The following WWOX variants were observed in gnomAD, a reference collection of about 807,000 sequenced individuals.
WWOX encodes the protein WW domain containing oxidoreductase.
Under a neutral mutation model 46.2 loss-of-function variants are expected in WWOX, and 69 were observed. That is an observed-to-expected ratio of 1.49 (90% confidence interval 1.23 to 1.82). The LOEUF (loss-of-function observed/expected upper bound fraction) is 1.82, where lower values mean the gene tolerates loss of function less well. Ranked by LOEUF, WWOX falls within the 40% of genes most tolerant of loss-of-function variation. The probability of loss-of-function intolerance (pLI) is 0.00; values close to 1 mark genes in which losing one functional copy is unlikely to be tolerated. For synonymous variants in WWOX, 359 were observed against 202.6 expected (o/e 1.77, Z -6.56); for missense variants, 919 against 542.6 (o/e 1.69, Z -6.89).
At chr16:78,346,425 T>A (rs1443140064) in intron 5 of WWOX, among the ~76,000 whole-genome samples, 1 of 75,750 alleles carries the variant, frequency 1.3e-5, no homozygotes, top group African/African-American at 5.4e-5. Flanking sequence ...TGGAGTGGAA[T>A]GGGCAGGGTG....
chr16:78,484,817 G>C (rs1428872076), intron 8 of WWOX, among the ~76,000 whole-genome samples: 2 of 152,188 alleles, frequency 1.3e-5, no homozygotes, highest in East Asian at 1.9e-4. Flanking sequence ...GGTTCTGGAA[G>C]ATGGGTGGGG....
chr16:78,736,598 A>G (rs968224800), intron 8 of WWOX, among the ~76,000 whole-genome samples: 1 of 146,024 alleles, frequency 6.8e-6, no homozygotes, highest in African/African-American at 2.6e-5. Context: ...TTGTTGTTTT[A>G]TTTTGTTTTG....
chr16:78,649,982 G>A (rs1366873970), intron 8 of WWOX, among the ~76,000 whole-genome samples: 2 of 152,140 alleles, frequency 1.3e-5, no homozygotes, highest in Admixed American at 6.5e-5. Context: ...ATGGAGGGAG[G>A]TTCCATTGTA....
Position 78,137,061 on chromosome 16 carries a change from G to A in WWOX, c.409+21907G>A, listed in dbSNP as rs529715505. ...CACATACCATTCACAACATAAGTTG[G>A]ATCAGCTCCCTTGAGCAGGAATAAG... On this transcript the variant is annotated intron_variant, in intron 4 of 8. Coordinates refer to ENST00000566780, the MANE Select transcript of WWOX (RefSeq NM_016373.4). Among the ~76,000 whole-genome samples the A allele has an allele frequency of 6.6e-5, 10 of 152,284 alleles. No homozygotes were observed. The East Asian group carries it at 1.7e-3, about 26-fold the overall frequency.
intron 5 of WWOX, among the ~76,000 whole-genome samples, chr16:78,356,621 G>A (rs62033395): frequency 6.6e-6 from 1 of 152,164 alleles, no homozygotes; most frequent in Non-Finnish European, 1.5e-5. Flanking sequence ...GGTGGCTCAC[G>A]CCTGTAATCC....
At chr16:78,955,045 C>T (rs766797021) in intron 8 of WWOX, among the ~76,000 whole-genome samples, 4 of 152,110 alleles carry the variant, frequency 2.6e-5, no homozygotes, top group Non-Finnish European at 4.4e-5. Context: ...CTGCATTGTC[C>T]CCCACAAAGT....
chr16:78,718,092 G>GTTTTTTTTTTTTTTT, intron 8 of WWOX, among the ~76,000 whole-genome samples: 2 of 139,608 alleles, frequency 1.4e-5, no homozygotes, highest in African/African-American at 5.8e-5. Context: ...GGTTCTGGTG[G>GTTTTTTTTTTTTTTT]TTGTATTTTT....
At chr16:79,129,245 A>T (rs150324943) in intron 8 of WWOX, among the ~76,000 whole-genome samples, 1 of 151,670 alleles carries the variant, frequency 6.6e-6, no homozygotes, top group East Asian at 1.9e-4. Context: ...GAAAACCTCC[A>T]ACGCAAAATA....
At chr16:79,009,452 T>C (rs529691703) in intron 8 of WWOX, among the ~76,000 whole-genome samples, 33 of 152,042 alleles carry the variant, frequency 2.2e-4, no homozygotes, top group African/African-American at 2.2e-4. Context: ...TCTGTGACTT[T>C]AGAGGCCCAT....
intron 8 of WWOX, among the ~76,000 whole-genome samples, chr16:78,436,311 G>A (rs1427378256): frequency 2.6e-5 from 4 of 152,156 alleles, no homozygotes; most frequent in Admixed American, 6.5e-5. Flanking sequence ...CAGGTAGAAA[G>A]GGCGTCCAGG....
rs2051802777 is a variant in WWOX, at chr16:79,212,517, A to T, written c.*721A>T. ...AAGGGAAGCGTATATACTTAAGAAT[A>T]CACAGGATATTTTGGGGGGCAGAGA... On this transcript the variant is annotated 3_prime_UTR_variant, in exon 9 of 9. Transcript: ENST00000566780. 1 of 180,322 alleles carries T rather than the reference A, an allele frequency of 5.5e-6. No individual in the cohort carries two copies. Among genetic ancestry groups the T allele is most frequent in the Non-Finnish European group, 1.2e-5 (1 of 83,982 alleles). The allele number at this position is 180,322 out of a possible 1,614,324, so 11.2% of individuals were successfully genotyped here. A position where few individuals can be genotyped will look rare whatever the true frequency, so the allele number is the denominator to read the frequency against.
intron 8 of WWOX, among the ~76,000 whole-genome samples, chr16:78,908,427 C>CT (rs1206319452): frequency 6.6e-6 from 1 of 151,756 alleles, no homozygotes. Context: ...GTAATCCTAG[C>CT]TAGTCGGGAG....
chr16:79,124,988 C>T (rs2049719709), intron 8 of WWOX, among the ~76,000 whole-genome samples: 2 of 151,620 alleles, frequency 1.3e-5, no homozygotes, highest in South Asian at 4.2e-4. Flanking sequence ...ACATTCATTT[C>T]TGTTACACAG....
chr16:78,113,180 A>T (rs2032591901), intron 3 of WWOX, among the ~76,000 whole-genome samples: 1 of 152,142 alleles, frequency 6.6e-6, no homozygotes, highest in African/African-American at 2.4e-5. Context: ...TTCAATAAAA[A>T]TGTACATTCC....
intron 8 of WWOX, among the ~76,000 whole-genome samples, chr16:78,700,670 GTC>G (rs1393072631): frequency 1.3e-5 from 2 of 152,134 alleles, no homozygotes; most frequent in African/African-American, 2.4e-5. Flanking sequence ...CATATCGTGT[GTC>G]TTGTGGCATT....
chr16:78,619,189 A>C (rs1333383950), intron 8 of WWOX, among the ~76,000 whole-genome samples: 1 of 29,868 alleles, frequency 3.3e-5, no homozygotes, highest in Admixed American at 5.5e-4. Flanking sequence ...ATATATATAT[A>C]TATATATATA....
At chr16:79,007,917 G>A (rs567487546) in intron 8 of WWOX, among the ~76,000 whole-genome samples, 1 of 152,190 alleles carries the variant, frequency 6.6e-6, no homozygotes, top group African/African-American at 2.4e-5. Context: ...AACCTTGGGA[G>A]GTAGTTACTT....
intron 5 of WWOX, among the ~76,000 whole-genome samples, chr16:78,357,241 T>C (rs2081315111): frequency 6.6e-6 from 1 of 152,152 alleles, no homozygotes; most frequent in Non-Finnish European, 1.5e-5. Context: ...GGTGGTGTCA[T>C]GCCAACATGG....
chr16:79,133,563 C>A lies in WWOX; in HGVS notation c.1057-78045C>A, dbSNP rs188840721. The stretch of plus-strand genomic sequence containing the variant: ...CTTTTCTTTTTCCTTCATTCTGTTT[C>A]TTTATTATTTTAATGGAGTGCAAGG... On this transcript the variant is annotated intron_variant, in intron 8 of 8. Coordinates refer to ENST00000566780, the MANE Select transcript of WWOX (RefSeq NM_016373.4). 1.4e-4 allele frequency among the ~76,000 whole-genome samples: 21 copies of A among 152,184 alleles called. No individual in the cohort carries two copies. The East Asian group carries it at 3.9e-3, about 28-fold the overall frequency.
Sources: gnomAD v4.1 joint callset for allele counts (sites outside exome capture counted in the v4.1 genomes callset) on GRCh38, gnomAD v4.1.1 for gene constraint, MANE v1.5 for transcripts, NCBI Gene and HGNC (gene_info 2026-07-23, HGNC 2026-07-21) for gene names.